Variants in ZNF490 observed in about 807,000 individuals in gnomAD.
The protein encoded by ZNF490 is zinc finger protein 490.
Under a neutral mutation model 17.7 loss-of-function variants are expected in ZNF490, and 11 were observed. The ratio of observed to expected loss-of-function variants is 0.62; its 90% CI spans 0.39 to 1.03. The LOEUF (loss-of-function observed/expected upper bound fraction) is 1.03, where lower values mean the gene tolerates loss of function less well. ZNF490 is among the 50% of genes least tolerant of loss of function. The probability of loss-of-function intolerance (pLI) is 0.00; values close to 1 mark genes in which losing one functional copy is unlikely to be tolerated. For missense variants in ZNF490, 542 were observed against 643.4 expected (o/e 0.84, Z 1.71); for synonymous variants, 222 against 216.1 (o/e 1.03, Z -0.24).
rs751725295 is a variant in ZNF490, at chr19:12,581,684, A to G, written c.391T>C (p.Cys131Arg). ...TGGCTAGTGCTTTTTCCACATGGACAATCTTCTTTATTTTCACAGAGTGCT... is the reference window on the plus strand; with the variant it reads ...TGGCTAGTGCTTTTTCCACATGGACGATCTTCTTTATTTTCACAGAGTGCT... Reference protein sequence around the residue: ...VEALCENKEDCPCGKSTSQIP... With the variant: ...VEALCENKEDRPCGKSTSQIP... Residue 131 changes from cysteine (C) to arginine (R), a missense_variant, in exon 5 of 5, where the codon TGT becomes CGT. By Grantham distance (180) the Cys-to-Arg change is radical. Transcript: ENST00000311437. 1.9e-6 allele frequency: 3 copies of G among 1,613,624 alleles called. No individual in the cohort carries two copies. Among genetic ancestry groups the G allele is most frequent in the Non-Finnish European group, 2.5e-6 (3 of 1,179,708 alleles).
intron 2 of ZNF490, among the ~76,000 whole-genome samples, chr19:12,584,845 G>A (rs2145145114): frequency 1.1e-5 from 1 of 94,344 alleles, no homozygotes; most frequent in East Asian, 2.0e-4. Context: ...TTCTGCATTA[G>A]TATTAATTTC....
At chr19:12,594,002 T>G (rs557577314) in intron 2 of ZNF490, among the ~76,000 whole-genome samples, 20 of 152,348 alleles carry the variant, frequency 1.3e-4, no homozygotes, top group African/African-American at 3.8e-4. Flanking sequence ...TAGAGTCACA[T>G]GCCCAGGGCC....
At chr19:12,597,834 A>G (rs2022953313) in intron 2 of ZNF490, among the ~76,000 whole-genome samples, 1 of 152,186 alleles carries the variant, frequency 6.6e-6, no homozygotes, top group African/African-American at 2.4e-5. Context: ...CTGTAATCTC[A>G]GCACTTCGGG....
chr19:12,601,550 G>A (rs1228421612), intron 2 of ZNF490, among the ~76,000 whole-genome samples: 1 of 151,998 alleles, frequency 6.6e-6, no homozygotes, highest in Non-Finnish European at 1.5e-5. Context: ...CCACAAACCT[G>A]GCTAATTTTT....
At chr19:12,608,058 C>T (rs1037095375) in intron 2 of ZNF490, among the ~76,000 whole-genome samples, 3 of 152,154 alleles carry the variant, frequency 2.0e-5, no homozygotes, top group Non-Finnish European at 4.4e-5. Context: ...TATCCACATG[C>T]ATGAAGGCTG....
Position 12,587,064 on chromosome 19 carries a change from CA to C in ZNF490, c.163-3509del, listed in dbSNP as rs1301315368. Among the ~76,000 whole-genome samples the C allele has an allele frequency of 1.4e-3, 57 of 41,876 alleles. 2 individuals carry two copies. Among genetic ancestry groups the C allele is most frequent in the Non-Finnish European group, 2.1e-3 (34 of 16,268 alleles). 27.5% of individuals were successfully genotyped at this position (41,876 alleles called of 152,430 possible). The stretch of plus-strand genomic sequence containing the variant: ...GGGCAACAGGAATAAAACTCCATCT[CA>C]AAAAAAAAAAAAGAAAAAGAAAAAA... On this transcript the variant is annotated intron_variant, in intron 2 of 4. Transcript: ENST00000311437.
At chr19:12,610,218 T>C (rs80198697) in intron 1 of ZNF490, among the ~76,000 whole-genome samples, 3 of 151,202 alleles carry the variant, frequency 2.0e-5, no homozygotes, top group African/African-American at 7.3e-5. Flanking sequence ...TTTTTTTTTT[T>C]TCTTGGGATG....
Position 12,577,972 on chromosome 19 carries a change from G to A in ZNF490, c.*2513C>T, listed in dbSNP as rs2022669096. 6 of 985,502 alleles carry A rather than the reference G, an allele frequency of 6.1e-6. No homozygotes were observed. The highest frequency in any genetic ancestry group is 7.2e-6 in the Non-Finnish European group (6 of 829,970). The allele number at this position is 985,502 out of a possible 1,614,324, so 61.0% of individuals were successfully genotyped here. The stretch of plus-strand genomic sequence containing the variant: ...GAGAATTCGGAGGCTCCAGCAAGCA[G>A]TTTATTGGGAGTTGAGTTCACCTTG... On this transcript the variant is annotated 3_prime_UTR_variant, in exon 5 of 5. Coordinates refer to ENST00000311437, the MANE Select transcript of ZNF490 (RefSeq NM_020714.3).
chr19:12,601,278 C>T (rs1209618386), intron 2 of ZNF490, among the ~76,000 whole-genome samples: 2 of 151,666 alleles, frequency 1.3e-5, no homozygotes, highest in Admixed American at 1.3e-4. Flanking sequence ...GTCCCAGCTA[C>T]TCGGGAGGCT....
chr19:12,581,688 T>C lies in ZNF490; in HGVS notation c.387A>G (p.Glu129=), dbSNP rs2022737335. 1 of 1,613,486 alleles carries C rather than the reference T, an allele frequency of 6.2e-7. No individual in the cohort carries two copies. Among genetic ancestry groups the C allele is most frequent in the Non-Finnish European group, 8.5e-7 (1 of 1,179,604 alleles). Residue 129 remains glutamate (E), a synonymous_variant, in exon 5 of 5, where the codon GAA becomes GAG. Coordinates refer to ENST00000311437, the MANE Select transcript of ZNF490 (RefSeq NM_020714.3). ...TAGTGCTTTTTCCACATGGACAATC[T>C]TCTTTATTTTCACAGAGTGCTTCAA... is the stretch of plus-strand genomic sequence containing the variant. ...PMVEALCENK[E]DCPCGKSTSQ...
At chr19:12,605,550 G>A (rs1240127235) in intron 2 of ZNF490, among the ~76,000 whole-genome samples, 3 of 152,012 alleles carry the variant, frequency 2.0e-5, no homozygotes, top group Non-Finnish European at 4.4e-5. Flanking sequence ...GAGTTCTGTA[G>A]GCTGCTACAG....
intron 2 of ZNF490, among the ~76,000 whole-genome samples, chr19:12,601,965 G>T (rs991847653): frequency 1.4e-4 from 21 of 151,608 alleles, no homozygotes; most frequent in Non-Finnish European, 2.5e-4. Context: ...CTGCACTCCA[G>T]CCTGGGCGAG....
intron 2 of ZNF490, among the ~76,000 whole-genome samples, chr19:12,594,811 A>G (rs572892107): frequency 1.3e-5 from 2 of 152,312 alleles, no homozygotes; most frequent in East Asian, 3.9e-4. Context: ...TGGGCAACAG[A>G]GGAAGAAGAC....
intron 2 of ZNF490, among the ~76,000 whole-genome samples, chr19:12,605,483 TAA>T (rs34883425): frequency 0.018 from 2,667 of 146,732 alleles, 78 homozygotes; most frequent in African/African-American, 0.06. Context: ...CCTGCTCTAT[TAA>T]AAAAAAAAAA....
chr19:12,607,762 G>C (rs886423109), intron 2 of ZNF490, among the ~76,000 whole-genome samples: 1 of 150,212 alleles, frequency 6.7e-6, no homozygotes, highest in African/African-American at 2.4e-5. Flanking sequence ...GAACAAACAA[G>C]AACAGCATAG....
rs1213205567 is a variant in ZNF490, at chr19:12,584,370, A to G, written c.163-814T>C. Among the ~76,000 whole-genome samples the G allele has an allele frequency of 5.6e-5, 5 of 89,024 alleles. 2 individuals carry two copies. The South Asian group carries it at 1.5e-3, about 26-fold the overall frequency. 58.4% of individuals were successfully genotyped at this position (89,024 alleles called of 152,430 possible). A position where few individuals can be genotyped will look rare whatever the true frequency, so the allele number is the denominator to read the frequency against. ...ACGGGGTTTCACCATGTTAGCCAGGATGGTCTTGATCTCCTGACCTCGTGA... is the reference window on the plus strand; with the variant it reads ...ACGGGGTTTCACCATGTTAGCCAGGGTGGTCTTGATCTCCTGACCTCGTGA... On this transcript the variant is annotated intron_variant, in intron 2 of 4. Transcript: ENST00000311437.
intron 2 of ZNF490, among the ~76,000 whole-genome samples, chr19:12,607,805 T>C (rs4804202): frequency 0.59 from 88,854 of 151,354 alleles, 27,248 homozygotes; most frequent in Non-Finnish European, 0.69. Flanking sequence ...AGCAAATCAG[T>C]GGAGGCCAGG....
intron 2 of ZNF490, among the ~76,000 whole-genome samples, chr19:12,602,285 G>A (rs535614009): frequency 4.6e-5 from 7 of 152,164 alleles, no homozygotes; most frequent in Middle Eastern, 3.4e-3. Flanking sequence ...GGTAGCTCCC[G>A]CCTGTAATCC....
At chr19:12,599,139 CAAAAAAAAAAAAA>C (rs55911311) in intron 2 of ZNF490, among the ~76,000 whole-genome samples, 1 of 68,632 alleles carries the variant, frequency 1.5e-5, no homozygotes, top group Admixed American at 2.1e-4. Flanking sequence ...GACTCTGTCT[CAAAAAAAAAAAAA>C]AAAAAAAAAA....
Sources: allele counts gnomAD v4.1 joint callset (sites outside exome capture counted in the v4.1 genomes callset), GRCh38; gene constraint gnomAD v4.1.1; transcripts MANE v1.5; gene names NCBI Gene and HGNC (gene_info 2026-07-23, HGNC 2026-07-21).